Variants in BLNK observed in about 807,000 individuals in gnomAD.
BLNK encodes the protein B-cell linker protein.
BLNK carries 29 observed loss-of-function variants against 73.5 expected under a neutral mutation model. The observed-to-expected ratio is 0.39, with a 90% CI of 0.29 to 0.54. The LOEUF is 0.54. Among genes scored for constraint, BLNK ranks in the 20% least tolerant of loss-of-function variants. The probability of loss-of-function intolerance (pLI) is 0.61; values close to 1 mark genes in which losing one functional copy is unlikely to be tolerated. For missense variants in BLNK, 460 were observed against 562.8 expected, an observed-to-expected ratio of 0.82 and a Z score of 1.85; for synonymous variants, 176 against 200.8, an observed-to-expected ratio of 0.88 and a Z score of 1.04.
chr10:96,191,885 C>T lies in BLNK; in HGVS notation c.*88G>A. 1 of 1,547,012 alleles carries T rather than the reference C, an allele frequency of 6.5e-7. No individual in the cohort carries two copies. The highest frequency in any genetic ancestry group is 8.9e-7 in the Non-Finnish European group (1 of 1,123,486). On this transcript the variant is annotated 3_prime_UTR_variant, in exon 17 of 17. Coordinates refer to ENST00000224337, the MANE Select transcript of BLNK (RefSeq NM_013314.4). ...TTTTATTACTGGATGATTCATAATC[C>T]AAAATATGAAGTTTTGGGACTTTTT... is the stretch of plus-strand genomic sequence containing the variant.
At chr10:96,271,215 G>T in intron 1 of BLNK, 137 bp downstream of exon 1, 1 of 961,466 alleles carries the variant, frequency 1.0e-6, no homozygotes, top group Non-Finnish European at 1.6e-6. Context: ...TAAAAGCTCA[G>T]TCCACTTCCC....
At position 96,254,596 on chromosome 10, in the gene BLNK, C is replaced by T. The variant is rs1188708060; in HGVS notation, c.48-7547G>A. Among the ~76,000 whole-genome samples, 5 of 152,234 alleles carry T rather than the reference C, an allele frequency of 3.3e-5. No homozygotes were observed. The East Asian group carries it at 7.7e-4, about 24-fold the overall frequency. On this transcript the variant is annotated intron_variant, in intron 1 of 16. Coordinates refer to ENST00000224337, the MANE Select transcript of BLNK (RefSeq NM_013314.4). ...CACGATCTCAGCTCACTGCAACCTC[C>T]GCCTCCCAGGTTCAAGTGATTCTCC... is the stretch of plus-strand genomic sequence containing the variant.
Position 96,200,877 on chromosome 10 carries a change from G to T in BLNK, c.1011+105C>A. 9.8e-7 allele frequency: 1 copy of T among 1,024,888 alleles called. No homozygotes were observed. Among genetic ancestry groups the T allele is most frequent in the Non-Finnish European group, 1.6e-6 (1 of 644,672 alleles). 63.5% of individuals were successfully genotyped at this position (1,024,888 alleles called of 1,614,324 possible). ...AGTTCACATAATGATGTAAAATACA[G>T]TCTCTGTTCTCAAGGTTCACTCCAA... On this transcript the variant is annotated intron_variant, in intron 14 of 16. Transcript: ENST00000224337. This position sits in a 1 kb window ranked among gnomAD's most constrained non-coding sequence, Gnocchi z 4.3.
intron 6 of BLNK, among the ~76,000 whole-genome samples, chr10:96,219,901 A>G (rs2134010535): frequency 6.6e-6 from 1 of 152,344 alleles, no homozygotes; most frequent in South Asian, 2.1e-4. Flanking sequence ...TTGTGCCAAT[A>G]GGAAAACGCT....
intron 1 of BLNK, among the ~76,000 whole-genome samples, chr10:96,259,217 TA>T (rs1483034570): frequency 6.6e-6 from 1 of 152,186 alleles, no homozygotes; most frequent in Non-Finnish European, 1.5e-5. Flanking sequence ...ACCAACCCAG[TA>T]ATCTTTACTG....
intron 15 of BLNK, among the ~76,000 whole-genome samples, chr10:96,197,337 C>T (rs2133933014): frequency 6.6e-6 from 1 of 152,180 alleles, no homozygotes; most frequent in South Asian, 2.1e-4. Flanking sequence ...AACAGTCTCA[C>T]TTTGTTGCCC....
At chr10:96,207,556 ATTAG>A (rs2083849457) in intron 10 of BLNK, among the ~76,000 whole-genome samples, 1 of 152,240 alleles carries the variant, frequency 6.6e-6, no homozygotes, top group South Asian at 2.1e-4. Flanking sequence ...ATGGTCTACC[ATTAG>A]CTGTGGTGGG....
At chr10:96,249,784 A>G (rs565667279) in intron 1 of BLNK, among the ~76,000 whole-genome samples, 52 of 152,254 alleles carry the variant, frequency 3.4e-4, no homozygotes, top group Admixed American at 2.7e-3. Context: ...ATCGCTAGCT[A>G]TTTTCAACCA....
Position 96,189,892 on chromosome 10 carries a change from A to G in BLNK, c.*2081T>C. 8 of 1,052,928 alleles carry G rather than the reference A, an allele frequency of 7.6e-6. No individual in the cohort carries two copies. The South Asian group carries it at 9.9e-5, about 13-fold the overall frequency. The allele number at this position is 1,052,928 out of a possible 1,614,324, so 65.2% of individuals were successfully genotyped here. ...CAGCTACTAAATGCTGTCCACTAAT[A>G]TGCACTGGCCCTGAACCACACTTCA... On this transcript the variant is annotated 3_prime_UTR_variant, in exon 17 of 17. Transcript: ENST00000224337.
At chr10:96,262,028 G>A (rs950512511) in intron 1 of BLNK, among the ~76,000 whole-genome samples, 4 of 152,072 alleles carry the variant, frequency 2.6e-5, no homozygotes, top group East Asian at 3.9e-4. Flanking sequence ...GGGAACTCCC[G>A]TTTACTTAGG....
chr10:96,251,118 A>G (rs1342688177), intron 1 of BLNK, among the ~76,000 whole-genome samples: 1 of 152,246 alleles, frequency 6.6e-6, no homozygotes, highest in African/African-American at 2.4e-5. Flanking sequence ...TACACTTTTT[A>G]TATTTTAAAG....
intron 2 of BLNK, among the ~76,000 whole-genome samples, chr10:96,246,400 A>G (rs1166517229): frequency 2.0e-5 from 3 of 152,204 alleles, no homozygotes; most frequent in Admixed American, 2.0e-4. Context: ...TAAAAATACA[A>G]AATTAGCCAG....
At chr10:96,258,048 A>G (rs1245721601) in intron 1 of BLNK, among the ~76,000 whole-genome samples, 2 of 152,004 alleles carry the variant, frequency 1.3e-5, no homozygotes, top group African/African-American at 2.4e-5. Flanking sequence ...CAGGACTCCT[A>G]TGACAACTTC....
At chr10:96,259,169 C>T (rs1554911983) in intron 1 of BLNK, among the ~76,000 whole-genome samples, 1 of 152,216 alleles carries the variant, frequency 6.6e-6, no homozygotes, top group African/African-American at 2.4e-5. Context: ...CTTTGGATAC[C>T]TTCCTCTCTG....
Position 96,261,578 on chromosome 10 carries a change from C to T in BLNK, c.47+9774G>A, listed in dbSNP as rs541142090. Among the ~76,000 whole-genome samples, 6 of 152,168 alleles carry T rather than the reference C, an allele frequency of 3.9e-5. No homozygotes were observed. In the East Asian group the frequency reaches 7.7e-4, roughly 20 times the overall value. On this transcript the variant is annotated intron_variant, in intron 1 of 16. Transcript: ENST00000224337. ...TCGGTTTGGCAACTGTGATGATCTT[C>T]GAGTATGAAGATGATGTGAAATCTG...
intron 6 of BLNK, among the ~76,000 whole-genome samples, chr10:96,220,244 A>G (rs1166428328): frequency 6.6e-6 from 1 of 151,998 alleles, no homozygotes; most frequent in Non-Finnish European, 1.5e-5. Context: ...TGTCTATTAA[A>G]CTTTCTGCTC....
chr10:96,252,355 C>T (rs1843321429), intron 1 of BLNK, among the ~76,000 whole-genome samples: 1 of 152,180 alleles, frequency 6.6e-6, no homozygotes, highest in East Asian at 1.9e-4. Flanking sequence ...CCAGCTCCTG[C>T]ATTTCTAACA....
At position 96,189,951 on chromosome 10, in the gene BLNK, C is replaced by G. The variant is rs2083303171; in HGVS notation, c.*2022G>C. On this transcript the variant is annotated 3_prime_UTR_variant, in exon 17 of 17. Transcript: ENST00000224337. ...AGCACTGGTGGTGTTATTTCAAAGA[C>G]CCCAAGGGAAACTGTTGGCTGTACA... is the stretch of plus-strand genomic sequence containing the variant. 1 of 925,134 alleles carries G rather than the reference C, an allele frequency of 1.1e-6. No individual in the cohort carries two copies. The highest frequency in any genetic ancestry group is 1.6e-5 in the African/African-American group (1 of 62,486). 57.3% of individuals were successfully genotyped at this position (925,134 alleles called of 1,614,324 possible). A position where few individuals can be genotyped will look rare whatever the true frequency, so the allele number is the denominator to read the frequency against.
chr10:96,195,635 G>T (rs1259399359), intron 16 of BLNK, among the ~76,000 whole-genome samples: 1 of 152,194 alleles, frequency 6.6e-6, no homozygotes, highest in African/African-American at 2.4e-5. Context: ...GAACGTGGTT[G>T]CTAGGGGCTG....
Sources: gnomAD v4.1 joint callset for allele counts (sites outside exome capture counted in the v4.1 genomes callset) on GRCh38, gnomAD v4.1.1 for gene constraint, Gnocchi (gnomAD v3.1) non-coding constraint, MANE v1.5 for transcripts, NCBI Gene and HGNC (gene_info 2026-07-23, HGNC 2026-07-21) for gene names.